The following GTF2I variants were observed in gnomAD, a reference collection of about 807,000 sequenced individuals.
GTF2I encodes general transcription factor IIi.
GTF2I carries 12 observed loss-of-function variants against 67.6 expected under a neutral mutation model. The ratio of observed to expected loss-of-function variants is 0.18; its 90% CI spans 0.11 to 0.29. The LOEUF is 0.29. GTF2I is among the 10% of genes least tolerant of loss of function. The pLI is 1.00. For missense variants in GTF2I, 271 were observed against 580.1 expected, an observed-to-expected ratio of 0.47 and a Z score of 5.47; for synonymous variants, 149 against 197.0, an observed-to-expected ratio of 0.76 and a Z score of 2.04.
At position 74,711,055 on chromosome 7, in the gene GTF2I, G is replaced by A; in HGVS notation, c.709G>A (p.Val237Met). 6.5e-7 allele frequency: 1 copy of A among 1,542,750 alleles called. No homozygotes were observed. Among genetic ancestry groups the A allele is most frequent in the Non-Finnish European group, 8.8e-7 (1 of 1,132,866 alleles). ...DSGISLEMAAVTVKEESEDPD... is the reference protein window; with the variant it reads ...DSGISLEMAAMTVKEESEDPD... Reference sequence around the variant, plus strand: ...AGGCATTTCCCTGGAAATGGCAGCTGTGACAGTAAAGGAAGAATCAGAAGA... The same window carrying A: ...AGGCATTTCCCTGGAAATGGCAGCTATGACAGTAAAGGAAGAATCAGAAGA... Residue 237 changes from valine (V) to methionine (M), a missense_variant, in exon 9 of 35, where the codon GTG becomes ATG. Transcript: ENST00000573035.
At chr7:74,693,776 G>A (rs994546531) in intron 3 of GTF2I, among the ~76,000 whole-genome samples, 7 of 152,110 alleles carry the variant, frequency 4.6e-5, no homozygotes. Flanking sequence ...AACCTGGGAG[G>A]TGGAGGTTGC....
intron 13 of GTF2I, 53 bp from the exon 14 acceptor site, chr7:74,730,176 T>TG (rs1338218812): frequency 8.0e-6 from 1 of 124,276 alleles, no homozygotes; most frequent in Non-Finnish European, 1.4e-5. Context: ...ACCCTAGTGC[T>TG]GCCCCGATGG....
At chr7:74,682,238 A>T (rs782063167) in intron 1 of GTF2I, among the ~76,000 whole-genome samples, 3 of 152,224 alleles carry the variant, frequency 2.0e-5, no homozygotes, top group Non-Finnish European at 4.4e-5. Context: ...AGAATAAAGG[A>T]TATGGAAGGT....
At chr7:74,685,216 C>A (rs1189960373) in intron 1 of GTF2I, among the ~76,000 whole-genome samples, 2 of 152,206 alleles carry the variant, frequency 1.3e-5, no homozygotes, top group Non-Finnish European at 2.9e-5. Context: ...ATGCAAATGA[C>A]GACTTGCCCT....
intron 4 of GTF2I, 156 bp from the exon 5 acceptor site, chr7:74,700,091 G>A (rs1789527090): frequency 1.3e-6 from 1 of 748,438 alleles, no homozygotes; most frequent in Non-Finnish European, 2.1e-6. Context: ...ACCTTCTGCT[G>A]ACATGGGGAG....
intron 11 of GTF2I, among the ~76,000 whole-genome samples, chr7:74,718,060 G>A (rs934099597): frequency 2.6e-5 from 4 of 152,194 alleles, no homozygotes; most frequent in African/African-American, 9.7e-5. Context: ...TGTGCAGTAC[G>A]AGGGCTCATT....
At chr7:74,707,200 A>C (rs587754847) in intron 8 of GTF2I, among the ~76,000 whole-genome samples, 1 of 152,232 alleles carries the variant, frequency 6.6e-6, no homozygotes, top group African/African-American at 2.4e-5. Context: ...AGATGTTCTC[A>C]GCATATGTAT....
At chr7:74,703,752 T>C (rs113667755) in intron 6 of GTF2I, among the ~76,000 whole-genome samples, 5,308 of 152,346 alleles carry the variant, frequency 0.035, 142 homozygotes, top group Middle Eastern at 0.095. Flanking sequence ...ATGACTTCTG[T>C]GTTTTCTTCC....
At chr7:74,686,775 A>G (rs1449049767) in intron 1 of GTF2I, among the ~76,000 whole-genome samples, 2 of 152,102 alleles carry the variant, frequency 1.3e-5, no homozygotes, top group East Asian at 1.9e-4. Flanking sequence ...TAATTTACCT[A>G]TTCACTTGCT....
chr7:74,678,399 G>C (rs1196769885), intron 1 of GTF2I, among the ~76,000 whole-genome samples: 1 of 152,038 alleles, frequency 6.6e-6, no homozygotes, highest in Non-Finnish European at 1.5e-5. Flanking sequence ...ATTATTGTCT[G>C]AATGCAAAAC....
At chr7:74,683,624 G>A (rs1332300212) in intron 1 of GTF2I, among the ~76,000 whole-genome samples, 2 of 152,118 alleles carry the variant, frequency 1.3e-5, no homozygotes, top group African/African-American at 4.8e-5. Flanking sequence ...AGGCTGAAGC[G>A]GGCAGATCAC....
chr7:74,664,921 A>G (rs782725509), intron 1 of GTF2I, among the ~76,000 whole-genome samples: 4 of 149,636 alleles, frequency 2.7e-5, no homozygotes, highest in Non-Finnish European at 5.9e-5. Flanking sequence ...ATTTCACTTC[A>G]TCTTTGTATG....
At chr7:74,693,210 C>CAT (rs1242156068) in intron 3 of GTF2I, among the ~76,000 whole-genome samples, 1 of 144,416 alleles carries the variant, frequency 6.9e-6, no homozygotes, top group East Asian at 2.0e-4. Flanking sequence ...TTTGGTAACT[C>CAT]TTGGCATAGC....
chr7:74,664,963 C>A (rs2039326175), intron 1 of GTF2I, among the ~76,000 whole-genome samples: 1 of 150,202 alleles, frequency 6.7e-6, no homozygotes, highest in Admixed American at 6.7e-5. Context: ...TTTTTTGAGA[C>A]AGAGTTTTGC....
chr7:74,667,575 G>A (rs1413774597), intron 1 of GTF2I, among the ~76,000 whole-genome samples: 1 of 151,474 alleles, frequency 6.6e-6, no homozygotes, highest in Admixed American at 6.6e-5. Flanking sequence ...GAGTGCAGTG[G>A]TATGCTTTTG....
rs1805419105 is a variant in GTF2I, at chr7:74,671,170, T to G, written c.-6+13102T>G. 2.2e-5 allele frequency among the ~76,000 whole-genome samples: 3 copies of G among 135,708 alleles called. No homozygotes were observed. In the South Asian group the frequency reaches 7.4e-4, roughly 34 times the overall value. The allele number at this position is 135,708 out of a possible 152,430, so 89.0% of individuals were successfully genotyped here. A position where few individuals can be genotyped will look rare whatever the true frequency, so the allele number is the denominator to read the frequency against. ...GGCGTGATCTCAGCTCACTGCAACC[T>G]CAGCCTCCTAGGTTCAAGTGATTCT... On this transcript the variant is annotated intron_variant, in intron 1 of 34. Coordinates refer to ENST00000573035, the MANE Select transcript of GTF2I (RefSeq NM_032999.4).
At chr7:74,671,771 C>T (rs781965502) in intron 1 of GTF2I, among the ~76,000 whole-genome samples, 1 of 152,006 alleles carries the variant, frequency 6.6e-6, no homozygotes, top group Admixed American at 6.6e-5. Context: ...TGCTTGAGCA[C>T]GGGAGTTTGA....
chr7:74,658,910 C>T (rs1215568454), intron 1 of GTF2I, among the ~76,000 whole-genome samples: 1 of 152,122 alleles, frequency 6.6e-6, no homozygotes, highest in Non-Finnish European at 1.5e-5. Context: ...CTTCCCGCTC[C>T]CCGACTTCTC....
intron 4 of GTF2I, 152 bp from the exon 5 acceptor site, chr7:74,700,095 T>C: frequency 1.3e-6 from 1 of 762,974 alleles, no homozygotes; most frequent in Non-Finnish European, 2.1e-6. Context: ...TCTGCTGACA[T>C]GGGGAGATAG....
Sources: allele counts gnomAD v4.1 joint callset (sites outside exome capture counted in the v4.1 genomes callset), GRCh38; gene constraint gnomAD v4.1.1; transcripts MANE v1.5; gene names NCBI Gene and HGNC (gene_info 2026-07-23, HGNC 2026-07-21).